Variants in SF3A3 observed in about 807,000 individuals in gnomAD.
The protein encoded by SF3A3 is splicing factor 3a subunit 3.
SF3A3 carries 9 observed loss-of-function variants against 85.8 expected under a neutral mutation model. That is an observed-to-expected ratio of 0.10 (90% CI 0.06 to 0.18). The LOEUF is 0.18. Among genes scored for constraint, SF3A3 ranks in the 10% least tolerant of loss-of-function variants. The pLI is 1.00. For missense variants in SF3A3, 306 were observed against 593.3 expected (o/e 0.52, Z 5.03); for synonymous variants, 195 against 204.4 (o/e 0.95, Z 0.39).
rs761236159 is a variant in SF3A3, at chr1:37,988,557, A to G, written c.145-721T>C. The stretch of plus-strand genomic sequence containing the variant: ...AGATTTTGACACCAAATAATCACCC[A>G]AGGGGAAAAAAAGAAAATCCTTGGT... On this transcript the variant is annotated intron_variant, in intron 2 of 16. Coordinates refer to ENST00000373019, the MANE Select transcript of SF3A3 (RefSeq NM_006802.4). Among the ~76,000 whole-genome samples, 11 of 152,186 alleles carry G rather than the reference A, an allele frequency of 7.2e-5. 1 individual carries two copies. The highest frequency in any genetic ancestry group is 3.9e-4 in the Admixed American group (6 of 15,274).
intron 7 of SF3A3, 143 bp from the exon 8 acceptor site, chr1:37,980,867 G>A: frequency 2.9e-6 from 1 of 345,944 alleles, no homozygotes; most frequent in Non-Finnish European, 4.1e-6. Context: ...TTTTTTTTTT[G>A]AGGCAGAGTT....
At chr1:37,981,218 C>T (rs560118262) in intron 7 of SF3A3, among the ~76,000 whole-genome samples, 2 of 152,042 alleles carry the variant, frequency 1.3e-5, no homozygotes, top group African/African-American at 2.4e-5. Flanking sequence ...TGACCTTTCC[C>T]GCCTCCTTTT....
intron 5 of SF3A3, among the ~76,000 whole-genome samples, 185 bp downstream of exon 5, chr1:37,984,522 G>A (rs1257158286): frequency 6.6e-6 from 1 of 152,192 alleles, no homozygotes; most frequent in Non-Finnish European, 1.5e-5. Flanking sequence ...ATTTGAGGTA[G>A]GAGAGAACAA....
rs182463972 is a variant in SF3A3, at chr1:37,972,712, A to C, written c.1006-2977T>G. ...GGAACAGAACGGAGTCCTTGGAAAT[A>C]GTATGACACATCTACAACCATCTGA... On this transcript the variant is annotated intron_variant, in intron 12 of 16. Coordinates refer to ENST00000373019, the MANE Select transcript of SF3A3 (RefSeq NM_006802.4). Among the ~76,000 whole-genome samples the C allele has an allele frequency of 2.0e-5, 3 of 152,384 alleles. No homozygotes were observed. In the East Asian group the frequency reaches 5.8e-4, roughly 29 times the overall value.
intron 1 of SF3A3, 99 bp downstream of exon 1, chr1:37,989,771 A>G (rs1372248675): frequency 4.8e-6 from 6 of 1,239,374 alleles, no homozygotes; most frequent in Non-Finnish European, 7.0e-6. Context: ...AGCCCGGAGG[A>G]AGGCAGGGAG....
intron 2 of SF3A3, among the ~76,000 whole-genome samples, chr1:37,988,450 T>C (rs1442312157): frequency 6.6e-6 from 1 of 152,178 alleles, no homozygotes; most frequent in African/African-American, 2.4e-5. Context: ...TCATACCTTA[T>C]TTACCAAGTG....
rs564150724 is a variant in SF3A3 at position 37,958,034 on chromosome 1, A to C, written c.*152T>G. 4.8e-6 allele frequency: 3 copies of C among 625,362 alleles called. No individual in the cohort carries two copies. The highest frequency in any genetic ancestry group is 8.7e-4 in the Middle Eastern group (2 of 2,302). The allele number at this position is 625,362 out of a possible 1,614,324, so 38.7% of individuals were successfully genotyped here. On this transcript the variant is annotated 3_prime_UTR_variant, in exon 17 of 17. Transcript: ENST00000373019. Reference sequence around the variant, plus strand: ...AGATAAAACACATCTCAACCCTGCAATCTGCCAGCATGCCTTGTTTCTACA... The same window carrying C: ...AGATAAAACACATCTCAACCCTGCACTCTGCCAGCATGCCTTGTTTCTACA...
At chr1:37,983,429 C>CA (rs1646433540) in intron 6 of SF3A3, among the ~76,000 whole-genome samples, 1 of 149,234 alleles carries the variant, frequency 6.7e-6, no homozygotes, top group Non-Finnish European at 1.5e-5. Context: ...ACACAAAATA[C>CA]AAAAAATTAG....
chr1:37,961,251 T>G (rs1295795696), intron 15 of SF3A3, among the ~76,000 whole-genome samples: 1 of 152,158 alleles, frequency 6.6e-6, no homozygotes, highest in Admixed American at 6.5e-5. Context: ...ACATAGGTGC[T>G]CAACTAATCA....
chr1:37,983,277 A>T (rs995332092), intron 6 of SF3A3, among the ~76,000 whole-genome samples: 1 of 115,726 alleles, frequency 8.6e-6, no homozygotes, highest in Admixed American at 8.9e-5. Context: ...AAAAAAAAAA[A>T]AGAATTTAAA....
intron 12 of SF3A3, among the ~76,000 whole-genome samples, chr1:37,970,048 T>G (rs1477703156): frequency 6.6e-6 from 1 of 152,132 alleles, no homozygotes; most frequent in Non-Finnish European, 1.5e-5. Flanking sequence ...CTCACGCCTG[T>G]AATCCCATCA....
At position 37,984,263 on chromosome 1, in the gene SF3A3, G is replaced by A. The variant is rs1396214550; in HGVS notation, c.377-3C>T. ...TTCATCTGTGAACTCCACCAAGTCT[G>A]AGGGAATCAGATACATCAATGATTC... On this transcript the variant is annotated splice_region_variant and splice_polypyrimidine_tract_variant and intron_variant, in intron 5 of 16. Transcript: ENST00000373019. The A allele has an allele frequency of 1.3e-6, 2 of 1,533,550 alleles. No homozygotes were observed. The highest frequency in any genetic ancestry group is 1.7e-5 in the Admixed American group (1 of 59,158). The allele number at this position is 1,533,550 out of a possible 1,614,324, so 95.0% of individuals were successfully genotyped here.
rs1037272506 is a variant in SF3A3, at chr1:37,989,451, C to T, written c.144+97G>A. 6 of 1,360,978 alleles carry T rather than the reference C, an allele frequency of 4.4e-6. No homozygotes were observed. The South Asian group carries it at 5.4e-5, about 12-fold the overall frequency. 84.3% of individuals were successfully genotyped at this position (1,360,978 alleles called of 1,614,324 possible). A position where few individuals can be genotyped will look rare whatever the true frequency, so the allele number is the denominator to read the frequency against. On this transcript the variant is annotated intron_variant, in intron 2 of 16. Coordinates refer to ENST00000373019, the MANE Select transcript of SF3A3 (RefSeq NM_006802.4). ...GCCCGCGACTGGCCAATCCGGTTAC[C>T]TTTGGCCAGGGACTCATGCTGAGAC...
intron 15 of SF3A3, among the ~76,000 whole-genome samples, chr1:37,964,701 T>C (rs1306546385): frequency 6.6e-6 from 1 of 152,150 alleles, no homozygotes; most frequent in Non-Finnish European, 1.5e-5. Flanking sequence ...AAGCTACCAC[T>C]GCGGGGAAAA....
At chr1:37,976,017 G>A (rs1292563190) in intron 12 of SF3A3, among the ~76,000 whole-genome samples, 1 of 152,116 alleles carries the variant, frequency 6.6e-6, no homozygotes, top group Non-Finnish European at 1.5e-5. Context: ...CTAGTCGGGC[G>A]TGGTGGCGCA....
rs527325949 is a variant in SF3A3, at chr1:37,968,741, A to G, written c.1282-607T>C. ...AAAAAAGACCCATTATCAATTAGTA[A>G]TATGTATGACTCAGAGAGGGGGAGA... On this transcript the variant is annotated intron_variant, in intron 14 of 16. Coordinates refer to ENST00000373019, the MANE Select transcript of SF3A3 (RefSeq NM_006802.4). 2.1e-4 allele frequency among the ~76,000 whole-genome samples: 32 copies of G among 152,324 alleles called. 1 individual carries two copies. In the South Asian group the frequency reaches 6.0e-3, roughly 29 times the overall value.
intron 6 of SF3A3, among the ~76,000 whole-genome samples, chr1:37,982,560 CAG>C (rs1215528733): frequency 6.6e-6 from 1 of 151,704 alleles, no homozygotes; most frequent in Non-Finnish European, 1.5e-5. Flanking sequence ...TTAGTAGAGA[CAG>C]GGTTTCTGCA....
chr1:37,979,495 A>G lies in SF3A3; in HGVS notation c.729T>C (p.His243=). ...TSSALTHAGA[H]LDLSAFSSWE... is the part of the protein sequence containing the mutation. ...AGGAGGAGAATGCAGAGAGGTCAAG[A>G]TGGGCTCCAGCATGGGTCAGGGCAC... Residue 243 remains histidine (H), a synonymous_variant, in exon 9 of 17, where the codon CAT becomes CAC. Transcript: ENST00000373019. 1 of 1,613,338 alleles carries G rather than the reference A, an allele frequency of 6.2e-7. No individual in the cohort carries two copies.
chr1:37,982,190 A>T (rs1240206471), intron 6 of SF3A3, among the ~76,000 whole-genome samples: 1 of 152,126 alleles, frequency 6.6e-6, no homozygotes, highest in Non-Finnish European at 1.5e-5. Context: ...GCATCTTTGT[A>T]CCAAGTACGG....
Sources: gnomAD v4.1 joint callset for allele counts (sites outside exome capture counted in the v4.1 genomes callset) on GRCh38, gnomAD v4.1.1 for gene constraint, MANE v1.5 for transcripts, NCBI Gene and HGNC (gene_info 2026-07-23, HGNC 2026-07-21) for gene names.